ZNF521: variants seen among roughly 807,000 people sequenced by gnomAD.
ZNF521 encodes zinc finger protein 521, also known as LYST-interacting protein 3.
ZNF521 carries 14 observed loss-of-function variants against 105.5 expected under a neutral mutation model. That is an observed-to-expected ratio of 0.13 (90% CI 0.09 to 0.21). ZNF521 has a LOEUF of 0.21. Among genes scored for constraint, ZNF521 ranks in the 10% least tolerant of loss-of-function variants. ZNF521 has a pLI of 1.00. For missense variants in ZNF521, 1,233 were observed against 1,629.7 expected, an observed-to-expected ratio of 0.76 and a Z score of 4.19; for synonymous variants, 635 against 606.0, an observed-to-expected ratio of 1.05 and a Z score of -0.70.
chr18:25,333,316 A>G (rs5020686), intron 2 of ZNF521, among the ~76,000 whole-genome samples: 4 of 113,910 alleles, frequency 3.5e-5, no homozygotes, highest in Admixed American at 9.0e-5. Flanking sequence ...CTCTCTCTCT[A>G]TATATATATA....
At chr18:25,121,085 A>T (rs4337377) in intron 5 of ZNF521, among the ~76,000 whole-genome samples, 69,286 of 149,260 alleles carry the variant, frequency 0.46, 16,371 homozygotes, top group South Asian at 0.56. Flanking sequence ...AACCCCTAAA[A>T]AATAGAGTGA....
rs76264471 is a variant in ZNF521, at chr18:25,328,394, G to A, written c.41-6207C>T. Reference sequence around the variant, plus strand: ...TGAATGGGAGGAAATTAGCCTTAGGGGAGGTTAAACACACACACACACACA... The same window carrying A: ...TGAATGGGAGGAAATTAGCCTTAGGAGAGGTTAAACACACACACACACACA... On this transcript the variant is annotated intron_variant, in intron 2 of 7. Coordinates refer to ENST00000361524, the MANE Select transcript of ZNF521 (RefSeq NM_015461.3). 8.3e-3 allele frequency among the ~76,000 whole-genome samples: 1,140 copies of A among 137,106 alleles called. 19 individuals carry two copies. Among genetic ancestry groups the A allele is most frequent in the African/African-American group, 0.031 (1,093 of 35,618 alleles). 89.9% of individuals were successfully genotyped at this position (137,106 alleles called of 152,430 possible).
chr18:25,176,024 A>G (rs2035529378), intron 5 of ZNF521, among the ~76,000 whole-genome samples: 2 of 152,214 alleles, frequency 1.3e-5, no homozygotes, highest in Non-Finnish European at 2.9e-5. Context: ...TCAGTTTTAA[A>G]ATGATTAACT....
At chr18:25,231,456 C>G (rs1906521379) in intron 3 of ZNF521, 1 of 152,232 alleles carries the variant, frequency 6.6e-6, no homozygotes, top group Non-Finnish European at 1.5e-5. Flanking sequence ...AAAAAGGCAA[C>G]AGAACACAGA....
chr18:25,351,449 CA>C, intron 1 of ZNF521: 1 of 68,552 alleles, frequency 1.5e-5, no homozygotes, highest in Middle Eastern at 7.1e-3. Flanking sequence ...TCCTTTTCAA[CA>C]AATCCGCCCC....
chr18:25,248,453 G>T (rs1195959386), intron 3 of ZNF521, among the ~76,000 whole-genome samples: 2 of 152,178 alleles, frequency 1.3e-5, no homozygotes, highest in African/African-American at 4.8e-5. Flanking sequence ...TATCATTTAT[G>T]CAGTGGCAGT....
intron 3 of ZNF521, among the ~76,000 whole-genome samples, chr18:25,260,586 A>G (rs1908839933): frequency 6.6e-6 from 1 of 152,172 alleles, no homozygotes. Flanking sequence ...GTAAGTACTT[A>G]GTAAATTATT....
chr18:25,150,082 T>C (rs2144482455), intron 5 of ZNF521, among the ~76,000 whole-genome samples: 1 of 152,242 alleles, frequency 6.6e-6, no homozygotes, highest in African/African-American at 2.4e-5. Context: ...AATAACTAAA[T>C]GAGTACAGGT....
At chr18:25,288,941 TG>T (rs1210615878) in intron 3 of ZNF521, among the ~76,000 whole-genome samples, 1 of 152,250 alleles carries the variant, frequency 6.6e-6, no homozygotes, top group Admixed American at 6.5e-5. Context: ...AAAATAAATA[TG>T]TTTTCTAAAA....
intron 5 of ZNF521, among the ~76,000 whole-genome samples, chr18:25,093,940 C>A (rs150046258): frequency 2.1e-4 from 32 of 152,220 alleles, no homozygotes; most frequent in African/African-American, 7.2e-4. Flanking sequence ...TTGGCAAGTG[C>A]ATCTTCAGAA....
chr18:25,124,537 T>C (rs1278499392), intron 5 of ZNF521, among the ~76,000 whole-genome samples: 1 of 152,142 alleles, frequency 6.6e-6, no homozygotes, highest in Non-Finnish European at 1.5e-5. Flanking sequence ...CATCCTTTAT[T>C]TTTTGCTTCT....
intron 7 of ZNF521, among the ~76,000 whole-genome samples, chr18:25,083,931 A>ATTTTTTTT (rs56364504): frequency 3.5e-5 from 2 of 57,864 alleles, no homozygotes; most frequent in Non-Finnish European, 6.1e-5. Flanking sequence ...AACCTGGGTA[A>ATTTTTTTT]TTTTTTTTTT....
At chr18:25,103,042 G>A (rs2033998462) in intron 5 of ZNF521, among the ~76,000 whole-genome samples, 1 of 152,036 alleles carries the variant, frequency 6.6e-6, no homozygotes, top group Non-Finnish European at 1.5e-5. Flanking sequence ...TCTCCTTTTA[G>A]GGAAGGGAAG....
chr18:25,269,505 T>C (rs967867720), intron 3 of ZNF521, among the ~76,000 whole-genome samples: 7 of 152,142 alleles, frequency 4.6e-5, no homozygotes, highest in Admixed American at 4.6e-4. Flanking sequence ...CAGCACCACG[T>C]AGCACTTATT....
At chr18:25,284,546 C>T (rs958681252) in intron 3 of ZNF521, among the ~76,000 whole-genome samples, 2 of 152,012 alleles carry the variant, frequency 1.3e-5, no homozygotes, top group Non-Finnish European at 1.5e-5. Flanking sequence ...GAGACGAGAG[C>T]GCTGAGGGCC....
At chr18:25,163,839 C>T (rs1304084642) in intron 5 of ZNF521, among the ~76,000 whole-genome samples, 2 of 152,204 alleles carry the variant, frequency 1.3e-5, no homozygotes, top group East Asian at 3.9e-4. Flanking sequence ...GTCTTTCCCT[C>T]GCGACATATC....
intron 2 of ZNF521, among the ~76,000 whole-genome samples, chr18:25,338,963 C>T (rs940144968): frequency 2.0e-5 from 3 of 152,144 alleles, no homozygotes; most frequent in African/African-American, 7.2e-5. Flanking sequence ...AGGATTAAAA[C>T]AAACCCAGAT....
chr18:25,340,363 A>T (rs1393542238), intron 2 of ZNF521, among the ~76,000 whole-genome samples: 2 of 151,974 alleles, frequency 1.3e-5, no homozygotes, highest in Non-Finnish European at 2.9e-5. Flanking sequence ...TCGAAAAAAT[A>T]ATAATAATAA....
chr18:25,223,106 C>A (rs560822934), intron 4 of ZNF521, among the ~76,000 whole-genome samples: 9 of 152,164 alleles, frequency 5.9e-5, no homozygotes, highest in African/African-American at 2.2e-4. Context: ...ATGCTTTTAA[C>A]TACTAATATT....
Sources: allele counts gnomAD v4.1 joint callset (sites outside exome capture counted in the v4.1 genomes callset), GRCh38; gene constraint gnomAD v4.1.1; transcripts MANE v1.5; gene names NCBI Gene and HGNC (gene_info 2026-07-23, HGNC 2026-07-21).